Variants in TTN observed in about 807,000 individuals in gnomAD.
The protein encoded by TTN is titin, also known as connectin.
A neutral mutation model predicts 3,223.0 loss-of-function variants in TTN; 1,525 were observed. The ratio of observed to expected loss-of-function variants is 0.47; its 90% CI spans 0.45 to 0.49. The LOEUF is 0.49. Among genes scored for constraint, TTN ranks in the 20% least tolerant of loss-of-function variants. The probability of loss-of-function intolerance (pLI) is 0.00; values close to 1 mark genes in which losing one functional copy is unlikely to be tolerated. For missense variants in TTN, 40,786 were observed against 43,424.0 expected, an observed-to-expected ratio of 0.94 and a Z score of 5.40; for synonymous variants, 14,094 against 15,161.0, an observed-to-expected ratio of 0.93 and a Z score of 5.17.
rs781165041 is a variant in TTN, at chr2:178,553,261, A to C, written c.89639T>G (p.Leu29880Arg). ...AATGCTGTATCTGGCATCACTGCCA[A>C]GATTCTTCTCATCTTTTCTCCATGT... is the stretch of plus-strand genomic sequence containing the variant. ...TVTWRKDEKNLGSDARYSIEN... is the reference protein window; with the variant it reads ...TVTWRKDEKNRGSDARYSIEN... The change falls in exon 335 of 363, where the codon CTT becomes CGT. Residue 29880 changes from leucine (L) to arginine (R), a missense_variant. Coordinates refer to ENST00000589042, the MANE Select transcript of TTN (RefSeq NM_001267550.2). 1.2e-5 allele frequency: 19 copies of C among 1,612,348 alleles called. No individual in the cohort carries two copies. Among genetic ancestry groups the C allele is most frequent in the Non-Finnish European group, 1.4e-5 (16 of 1,179,822 alleles).
intron 240 of TTN, among the ~76,000 whole-genome samples, chr2:178,626,150 TG>T (rs1409786344): frequency 1.3e-5 from 2 of 152,014 alleles, no homozygotes; most frequent in Non-Finnish European, 2.9e-5. Flanking sequence ...ATGTTCTGTA[TG>T]TAAGGTGTTT....
intron 16 of TTN, 98 bp from the exon 17 acceptor site, chr2:178,783,883 A>G (rs1013087795): frequency 4.9e-6 from 5 of 1,024,944 alleles, no homozygotes; most frequent in Non-Finnish European, 6.6e-6. Flanking sequence ...TAAAAATATA[A>G]AAATAATTAT....
intron 6 of TTN, among the ~76,000 whole-genome samples, chr2:178,798,050 T>C (rs1456238401): frequency 2.0e-5 from 3 of 152,096 alleles, no homozygotes; most frequent in Admixed American, 6.5e-5. Flanking sequence ...GAATTCCCTA[T>C]ATACTTGGAT....
At chr2:178,586,320 T>C (rs1382079762) in intron 308 of TTN, among the ~76,000 whole-genome samples, 185 bp downstream of exon 308, 1 of 152,142 alleles carries the variant, frequency 6.6e-6, no homozygotes, top group African/African-American at 2.4e-5. Context: ...TTTTTAGTTA[T>C]ATATGTGTTT....
Position 178,757,822 on chromosome 2 carries a change from G to A in TTN, c.10398C>T (p.Ser3466=). Residue 3466 remains serine (S), a synonymous_variant, in exon 45 of 363, where the codon AGC becomes AGT. Transcript: ENST00000589042. ...TGAGGCTTGACAGAGGCTGGATGAA[G>A]CTGGGCTTTTGGCCAAGGGGCTCCT... ...FKKEPLGQKP[S]FIQPLSSLRV... is the part of the protein sequence containing the mutation. 2 of 1,607,146 alleles carry A rather than the reference G, an allele frequency of 1.2e-6. No individual in the cohort carries two copies. The highest frequency in any genetic ancestry group is 1.7e-6 in the Non-Finnish European group (2 of 1,175,704).
chr2:178,558,885 C>T, intron 326 of TTN: 1 of 491,096 alleles, frequency 2.0e-6, no homozygotes, highest in South Asian at 2.8e-5. Context: ...ATAAAATTTA[C>T]TCCAAATTCA....
At position 178,698,903 on chromosome 2, in the gene TTN, C is replaced by A. The variant is rs747294929; in HGVS notation, c.30694G>T (p.Ala10232Ser). 10 of 1,504,902 alleles carry A rather than the reference C, an allele frequency of 6.6e-6. No homozygotes were observed. Among genetic ancestry groups the A allele is most frequent in the Non-Finnish European group, 7.1e-6 (8 of 1,134,492 alleles). 93.2% of individuals were successfully genotyped at this position (1,504,902 alleles called of 1,614,324 possible). Reference protein sequence around the residue: ...PPKRIEVTKKAVKKDAKKVVA... With the variant: ...PPKRIEVTKKSVKKDAKKVVA... The stretch of plus-strand genomic sequence containing the variant: ...ACTTTTTTGGCATCTTTCTTCACAG[C>A]CTTTTTGGTAACTAAAAAAAAAAAA... Residue 10232 changes from alanine to serine, a missense_variant, in exon 112 of 363, where the codon GCT (alanine) becomes TCT (serine). Physicochemically the swap from Ala to Ser is moderately conservative, Grantham distance 99. Transcript: ENST00000589042.
At chr2:178,688,913 C>T in intron 125 of TTN, 135 bp from the exon 126 acceptor site, 1 of 1,145,040 alleles carries the variant, frequency 8.7e-7, no homozygotes, top group Non-Finnish European at 1.3e-6. Context: ...ATCACAAGGA[C>T]ATAAACACAA....
Position 178,593,027 on chromosome 2 carries a change from C to A in TTN, c.59092G>T (p.Asp19698Tyr), listed in dbSNP as rs397517642. 15 of 1,613,256 alleles carry A rather than the reference C, an allele frequency of 9.3e-6. No individual in the cohort carries two copies. Among genetic ancestry groups the A allele is most frequent in the South Asian group, 4.4e-5 (4 of 91,058 alleles). Residue 19698 changes from aspartate (D) to tyrosine (Y), a missense_variant, in exon 300 of 363, where the codon GAT becomes TAT. Asp to Tyr is a radical substitution (Grantham distance 160). Coordinates refer to ENST00000589042, the MANE Select transcript of TTN (RefSeq NM_001267550.2). ...EAIDTTCNSVDLTWQPPRHDG... is the reference protein window; with the variant it reads ...EAIDTTCNSVYLTWQPPRHDG... Reference sequence around the variant, plus strand: ...TGACGTGGTGGCTGCCAAGTTAGATCGACTGAATTGCATGTTGTATCTATT... The same window carrying A: ...TGACGTGGTGGCTGCCAAGTTAGATAGACTGAATTGCATGTTGTATCTATT...
At chr2:178,687,005 G>C (rs2071102768) in intron 127 of TTN, among the ~76,000 whole-genome samples, 1 of 152,190 alleles carries the variant, frequency 6.6e-6, no homozygotes, top group Admixed American at 6.5e-5. Context: ...AAGCACAACA[G>C]AGTTAATGGA....
chr2:178,554,303 A>T, intron 332 of TTN, 87 bp from the exon 333 acceptor site: 1 of 1,454,866 alleles, frequency 6.9e-7, no homozygotes, highest in South Asian at 1.3e-5. Flanking sequence ...TTCCAAGAAC[A>T]TTGGTTTTAT....
intron 159 of TTN, 83 bp from the exon 160 acceptor site, chr2:178,667,804 C>A (rs1238803597): frequency 2.1e-6 from 2 of 965,436 alleles, no homozygotes; most frequent in Non-Finnish European, 3.0e-6. Flanking sequence ...ATATATAATA[C>A]CACATTCATC....
At position 178,560,139 on chromosome 2, in the gene TTN, T is replaced by C. The variant is rs1409897523; in HGVS notation, c.85993A>G (p.Lys28665Glu). The change falls in exon 326 of 363, where the codon AAG (lysine) becomes GAG (glutamate). Residue 28665 changes from lysine to glutamate, a missense_variant. Coordinates refer to ENST00000589042, the MANE Select transcript of TTN (RefSeq NM_001267550.2). ...ACCCAGGCAATAGTTATAGTTGTCT[T>C]GCCTGAGTCCACAATTTTGGGTTTG... Reference protein sequence around the residue: ...PSKPKIVDSGKTTITIAWVKP... With the variant: ...PSKPKIVDSGETTITIAWVKP... The C allele has an allele frequency of 6.2e-7, 1 of 1,613,556 alleles. No individual in the cohort carries two copies. Among genetic ancestry groups the C allele is most frequent in the African/African-American group, 1.3e-5 (1 of 74,898 alleles).
intron 41 of TTN, among the ~76,000 whole-genome samples, chr2:178,765,649 C>G (rs185819534): frequency 6.6e-6 from 1 of 152,312 alleles, no homozygotes; most frequent in Non-Finnish European, 1.5e-5. Flanking sequence ...GGAGTTCCTG[C>G]ATCTGCCTCA....
At position 178,578,989 on chromosome 2, in the gene TTN, G is replaced by A; in HGVS notation, c.68041C>T (p.Leu22681=). 1 of 1,613,194 alleles carries A rather than the reference G, an allele frequency of 6.2e-7. No individual in the cohort carries two copies. The highest frequency in any genetic ancestry group is 1.3e-5 in the African/African-American group (1 of 74,978). Residue 22681 remains leucine, a synonymous_variant, in exon 320 of 363, where the codon CTA becomes TTA. Transcript: ENST00000589042. The part of the protein sequence containing the change: ...DGGSEITNYI[L]EKRDSVNNKW... ...TTGTTCACAGAATCCCTCTTCTCTA[G>A]GATATAGTTGGTGATTTCAGAACCT...
chr2:178,592,360 T>G lies in TTN; in HGVS notation c.59626+19A>C. ...TTATCAAAATTTATTTTTAATGGCC[T>G]AAGTAGTAAAATTCTTACCTAATAC... On this transcript the variant is annotated intron_variant, in intron 301 of 362. Coordinates refer to ENST00000589042, the MANE Select transcript of TTN (RefSeq NM_001267550.2). The G allele has an allele frequency of 6.2e-7, 1 of 1,606,698 alleles. No individual in the cohort carries two copies. The highest frequency in any genetic ancestry group is 8.5e-7 in the Non-Finnish European group (1 of 1,177,990).
intron 11 of TTN, 35 bp downstream of exon 11, chr2:178,790,673 C>A (rs1419565157): frequency 1.2e-6 from 2 of 1,613,726 alleles, no homozygotes; most frequent in African/African-American, 2.7e-5. Flanking sequence ...TGAAATGGTG[C>A]AAGAGTGACT....
At chr2:178,642,794 G>A (rs933225112) in intron 218 of TTN, among the ~76,000 whole-genome samples, 6 of 151,926 alleles carry the variant, frequency 3.9e-5, no homozygotes, top group African/African-American at 1.4e-4. Flanking sequence ...TTGATGCTGG[G>A]GAAGGGCCAT....
At chr2:178,578,272 A>G (rs1450699681) in intron 321 of TTN, 87 bp from the exon 322 acceptor site, 8 of 1,167,984 alleles carry the variant, frequency 6.8e-6, no homozygotes, top group Non-Finnish European at 9.7e-6. Flanking sequence ...ATACATATCC[A>G]TATATATTGA....
Sources: gnomAD v4.1 joint callset for allele counts (sites outside exome capture counted in the v4.1 genomes callset) on GRCh38, gnomAD v4.1.1 for gene constraint, MANE v1.5 for transcripts, NCBI Gene and HGNC (gene_info 2026-07-23, HGNC 2026-07-21) for gene names.